Variants in SPATA6 observed in about 807,000 individuals in gnomAD.
The protein encoded by SPATA6 is spermatogenesis-associated protein 6.
In SPATA6, 56 loss-of-function variants were observed where a neutral mutation model predicts 65.3. The ratio of observed to expected loss-of-function variants is 0.86; its 90% CI spans 0.69 to 1.07. The LOEUF (loss-of-function observed/expected upper bound fraction) is 1.07. Ranked by LOEUF, SPATA6 falls within the 50% of genes least tolerant of loss-of-function variation. The pLI is 0.00. For synonymous variants in SPATA6, 199 were observed against 213.2 expected (o/e 0.93, Z 0.58); for missense variants, 590 against 594.8 (o/e 0.99, Z 0.08).
At chr1:48,409,357 C>T (rs1301015138) in intron 5 of SPATA6, among the ~76,000 whole-genome samples, 8 of 152,230 alleles carry the variant, frequency 5.3e-5, no homozygotes, top group Admixed American at 3.9e-4. Context: ...TGGGCAGCTC[C>T]GCCCCTGTGG....
intron 12 of SPATA6, among the ~76,000 whole-genome samples, chr1:48,305,561 G>A (rs1314351713): frequency 2.6e-5 from 4 of 151,786 alleles, no homozygotes; most frequent in Non-Finnish European, 4.4e-5. Flanking sequence ...GAGTTTTCAG[G>A]GCAGACAAAT....
At chr1:48,321,199 C>T (rs1170860848) in intron 11 of SPATA6, among the ~76,000 whole-genome samples, 1 of 152,072 alleles carries the variant, frequency 6.6e-6, no homozygotes. Flanking sequence ...GGACAGACTT[C>T]TCCGCTCAAA....
In SPATA6 at chr1:48,403,896, A is replaced by G; in HGVS notation, c.406-14T>C. ...TGGAGCATTTCCCTGAGAAGAAAAA[A>G]GAGGGTATTATTACACATTTCCATT... On this transcript the variant is annotated splice_polypyrimidine_tract_variant and intron_variant, in intron 5 of 12. Transcript: ENST00000371847. The G allele has an allele frequency of 6.3e-7, 1 of 1,584,026 alleles. No homozygotes were observed. Among genetic ancestry groups the G allele is most frequent in the Non-Finnish European group, 8.6e-7 (1 of 1,157,872 alleles).
chr1:48,341,209 C>A (rs1031372617), intron 11 of SPATA6, among the ~76,000 whole-genome samples: 2 of 152,148 alleles, frequency 1.3e-5, no homozygotes, highest in Non-Finnish European at 2.9e-5. Flanking sequence ...CTCAACTATT[C>A]CACTTTTAGG....
intron 5 of SPATA6, among the ~76,000 whole-genome samples, chr1:48,408,666 AT>A (rs1651927592): frequency 6.6e-6 from 1 of 152,196 alleles, no homozygotes; most frequent in African/African-American, 2.4e-5. Flanking sequence ...AGAATGGGCA[AT>A]TTACAAAAGA....
intron 1 of SPATA6, among the ~76,000 whole-genome samples, chr1:48,458,651 C>CA (rs1657185793): frequency 6.6e-6 from 1 of 152,026 alleles, no homozygotes; most frequent in African/African-American, 2.4e-5. Flanking sequence ...AGGGATGAAC[C>CA]TTAAAAGCAT....
intron 3 of SPATA6, 71 bp from the exon 4 acceptor site, chr1:48,413,222 G>A: frequency 1.2e-6 from 1 of 841,038 alleles, no homozygotes; most frequent in Non-Finnish European, 1.7e-6. Flanking sequence ...TTTACCATGG[G>A]AGTGTCTAAA....
intron 3 of SPATA6, among the ~76,000 whole-genome samples, chr1:48,427,304 A>T (rs1557696572): frequency 6.6e-6 from 1 of 152,146 alleles, no homozygotes; most frequent in Non-Finnish European, 1.5e-5. Context: ...AATGCCTTAA[A>T]ATACAAGAAA....
chr1:48,436,942 A>T, intron 3 of SPATA6: 1 of 1,613,322 alleles, frequency 6.2e-7, no homozygotes, highest in Non-Finnish European at 8.5e-7. Context: ...TCACACAGTA[A>T]ATAGTGACCG....
chr1:48,369,636 AG>A (rs1647167551), intron 9 of SPATA6, among the ~76,000 whole-genome samples: 1 of 152,216 alleles, frequency 6.6e-6, no homozygotes, highest in Admixed American at 6.5e-5. Flanking sequence ...GGAAAAGCGC[AG>A]TAGTGGGGTG....
At chr1:48,365,201 G>A (rs1185711284) in intron 9 of SPATA6, among the ~76,000 whole-genome samples, 2 of 152,138 alleles carry the variant, frequency 1.3e-5, no homozygotes, top group African/African-American at 2.4e-5. Flanking sequence ...GGTTACTGTA[G>A]CCTTGTAGTA....
At chr1:48,291,590 C>T (rs555436041), downstream of SPATA6, among the ~76,000 whole-genome samples, 11 of 152,334 alleles carry the variant, frequency 7.2e-5, no homozygotes, top group African/African-American at 2.6e-4. Flanking sequence ...CTGTGCCCAC[C>T]TGCCCCCCTC....
At chr1:48,300,781 A>ATT (rs1253933294) in intron 12 of SPATA6, among the ~76,000 whole-genome samples, 2 of 152,180 alleles carry the variant, frequency 1.3e-5, no homozygotes, top group African/African-American at 4.8e-5. Context: ...AATGTGATAC[A>ATT]TAATATCAAC....
At chr1:48,442,209 G>A (rs566309927) in intron 3 of SPATA6, among the ~76,000 whole-genome samples, 11 of 152,290 alleles carry the variant, frequency 7.2e-5, no homozygotes, top group Middle Eastern at 3.4e-3. Context: ...AGGGACTGGC[G>A]CCCAGTTAGC....
At chr1:48,434,630 G>A (rs1654720447) in intron 3 of SPATA6, among the ~76,000 whole-genome samples, 1 of 152,154 alleles carries the variant, frequency 6.6e-6, no homozygotes, top group Non-Finnish European at 1.5e-5. Context: ...CACATCTGGA[G>A]GAAGAGCTTT....
intron 11 of SPATA6, among the ~76,000 whole-genome samples, chr1:48,337,846 A>G (rs1335292598): frequency 6.6e-6 from 1 of 152,022 alleles, no homozygotes; most frequent in Non-Finnish European, 1.5e-5. Context: ...CTAAATTAAT[A>G]GACACAATTT....
At chr1:48,365,953 T>C (rs1646993454) in intron 9 of SPATA6, among the ~76,000 whole-genome samples, 1 of 152,210 alleles carries the variant, frequency 6.6e-6, no homozygotes, top group African/African-American at 2.4e-5. Flanking sequence ...CTCTTATTAT[T>C]TTAAGATACG....
intron 6 of SPATA6, chr1:48,400,777 T>G (rs941525714): frequency 2.3e-6 from 3 of 1,298,026 alleles, no homozygotes; most frequent in African/African-American, 1.5e-5. Context: ...ACAGACCAGT[T>G]GCATCAGATT....
chr1:48,449,820 G>A (rs1325402866), intron 3 of SPATA6, among the ~76,000 whole-genome samples: 1 of 152,148 alleles, frequency 6.6e-6, no homozygotes, highest in Non-Finnish European at 1.5e-5. Context: ...GCCTTTATCT[G>A]TTAGAGGCCA....
Sources: allele counts gnomAD v4.1 joint callset (sites outside exome capture counted in the v4.1 genomes callset), GRCh38; gene constraint gnomAD v4.1.1; transcripts MANE v1.5; gene names NCBI Gene and HGNC (gene_info 2026-07-23, HGNC 2026-07-21).